The following FSTL1 variants were observed in gnomAD, a reference collection of about 807,000 sequenced individuals.
The protein encoded by FSTL1 is follistatin-related protein 1.
FSTL1 carries 24 observed loss-of-function variants against 45.9 expected under a neutral mutation model. The ratio of observed to expected loss-of-function variants is 0.52; its 90% CI spans 0.38 to 0.74. The LOEUF is 0.74. Ranked by LOEUF, FSTL1 falls within the 30% of genes least tolerant of loss-of-function variation. FSTL1 has a pLI of 0.00. For missense variants in FSTL1, 340 were observed against 381.8 expected (o/e 0.89, Z 0.91); for synonymous variants, 120 against 137.6 (o/e 0.87, Z 0.89).
intron 10 of FSTL1, among the ~76,000 whole-genome samples, chr3:120,398,602 A>G (rs969365909): frequency 9.9e-5 from 15 of 152,242 alleles, no homozygotes; most frequent in Non-Finnish European, 2.1e-4. Flanking sequence ...CAGTGGTAAC[A>G]TGCCTGAATA....
At chr3:120,411,591 C>T (rs1451941593) in intron 4 of FSTL1, among the ~76,000 whole-genome samples, 1 of 152,254 alleles carries the variant, frequency 6.6e-6, no homozygotes, top group African/African-American at 2.4e-5. Context: ...TCCACCCTAT[C>T]TACTATCCAG....
At chr3:120,446,869 TTC>T (rs1379935645) in intron 2 of FSTL1, among the ~76,000 whole-genome samples, 2 of 152,222 alleles carry the variant, frequency 1.3e-5, no homozygotes, top group African/African-American at 4.8e-5. Flanking sequence ...ATTGCTATTG[TTC>T]TCTCTTAGGT....
intron 2 of FSTL1, among the ~76,000 whole-genome samples, chr3:120,448,027 C>A (rs1355858309): frequency 6.6e-6 from 1 of 152,198 alleles, no homozygotes; most frequent in Admixed American, 6.5e-5. Flanking sequence ...ATACTGATGA[C>A]AATCACCTTT....
chr3:120,419,003 C>T (rs1490832831), intron 2 of FSTL1: 2 of 152,196 alleles, frequency 1.3e-5, no homozygotes, highest in African/African-American at 4.8e-5. Flanking sequence ...AAACAAAAGG[C>T]CCGTTTGAAG....
intron 2 of FSTL1, among the ~76,000 whole-genome samples, chr3:120,425,190 ATG>A: frequency 6.6e-6 from 1 of 152,226 alleles, no homozygotes; most frequent in African/African-American, 2.4e-5. Flanking sequence ...TCACCTCCTC[ATG>A]CAGTCAACAG....
intron 2 of FSTL1, among the ~76,000 whole-genome samples, chr3:120,440,208 T>C (rs540699681): frequency 6.6e-6 from 1 of 152,358 alleles, no homozygotes; most frequent in African/African-American, 2.4e-5. Context: ...AAAAACTGCA[T>C]TCCAATGTGA....
At chr3:120,432,718 T>G (rs912897641) in intron 2 of FSTL1, among the ~76,000 whole-genome samples, 2 of 152,212 alleles carry the variant, frequency 1.3e-5, no homozygotes, top group African/African-American at 4.8e-5. Context: ...CATATTTAAC[T>G]GTTTGGGGTC....
rs1937381119 is a variant in FSTL1 at position 120,426,427 on chromosome 3, CCT to C, written c.64-10402_64-10401del. ...CCAAGTGGAATGTAGGATTTATTCC[CCT>C]GATATGGTGGAAGGCAGATGAGATG... On this transcript the variant is annotated intron_variant, in intron 2 of 10. Transcript: ENST00000295633. 2.6e-5 allele frequency among the ~76,000 whole-genome samples: 4 copies of C among 152,092 alleles called. No individual in the cohort carries two copies. The South Asian group carries it at 8.3e-4, about 32-fold the overall frequency.
At chr3:120,434,505 C>A (rs1559743165) in intron 2 of FSTL1, among the ~76,000 whole-genome samples, 1 of 152,176 alleles carries the variant, frequency 6.6e-6, no homozygotes, top group Non-Finnish European at 1.5e-5. Flanking sequence ...GAAGTCTGTC[C>A]ATGGAACACT....
intron 9 of FSTL1, among the ~76,000 whole-genome samples, chr3:120,402,513 A>T (rs959537235): frequency 1.3e-5 from 2 of 151,692 alleles, no homozygotes; most frequent in African/African-American, 4.8e-5. Flanking sequence ...TACTACTTTC[A>T]CTGTTACTAT....
chr3:120,421,031 G>A (rs1338357721), intron 2 of FSTL1: 1 of 152,194 alleles, frequency 6.6e-6, no homozygotes, highest in African/African-American at 2.4e-5. Context: ...AGAGGTGATC[G>A]TGCATCTGAG....
At position 120,446,089 on chromosome 3, in the gene FSTL1, G is replaced by A. The variant is rs953967307; in HGVS notation, c.63+4595C>T. On this transcript the variant is annotated intron_variant, in intron 2 of 10. Transcript: ENST00000295633. Reference sequence around the variant, plus strand: ...GTATCATTAAGCTAATAAAATTTATGTCTGTTAGAAACATTCTGCCAGATG... The same window carrying A: ...GTATCATTAAGCTAATAAAATTTATATCTGTTAGAAACATTCTGCCAGATG... Among the ~76,000 whole-genome samples the A allele has an allele frequency of 9.4e-5, 13 of 138,466 alleles. 2 individuals are homozygous for A. The highest frequency in any genetic ancestry group is 4.5e-4 in the African/African-American group (13 of 28,590). The allele number at this position is 138,466 out of a possible 152,430, so 90.8% of individuals were successfully genotyped here.
chr3:120,421,883 A>C (rs528045408), intron 2 of FSTL1, among the ~76,000 whole-genome samples: 1 of 152,340 alleles, frequency 6.6e-6, no homozygotes, highest in South Asian at 2.1e-4. Flanking sequence ...GAGGGCTAAA[A>C]AAATATACAA....
intron 3 of FSTL1, 122 bp from the exon 4 acceptor site, chr3:120,412,105 A>T: frequency 1.0e-6 from 1 of 964,788 alleles, no homozygotes; most frequent in Non-Finnish European, 1.6e-6. Flanking sequence ...CCACCACCAG[A>T]GATGGTGCTT....
At chr3:120,431,732 G>A (rs1396664849) in intron 2 of FSTL1, among the ~76,000 whole-genome samples, 1 of 152,204 alleles carries the variant, frequency 6.6e-6, no homozygotes, top group East Asian at 1.9e-4. Context: ...CGGAGGAGGA[G>A]GGTTTGAGGA....
At chr3:120,420,477 C>A (rs1261429892) in intron 2 of FSTL1, among the ~76,000 whole-genome samples, 1 of 152,210 alleles carries the variant, frequency 6.6e-6, no homozygotes, top group East Asian at 1.9e-4. Flanking sequence ...CCTTCTGCAT[C>A]ATCTTCCTGA....
At chr3:120,446,397 G>A (rs889607728) in intron 2 of FSTL1, among the ~76,000 whole-genome samples, 1 of 152,188 alleles carries the variant, frequency 6.6e-6, no homozygotes, top group East Asian at 1.9e-4. Context: ...CCAATCCAGA[G>A]ACTTCTAGGG....
At chr3:120,416,634 T>C (rs1559738586) in intron 2 of FSTL1, among the ~76,000 whole-genome samples, 2 of 152,222 alleles carry the variant, frequency 1.3e-5, no homozygotes, top group Non-Finnish European at 2.9e-5. Context: ...TGAATGGTGT[T>C]CTAGGCATTA....
At chr3:120,428,112 T>C (rs985904006) in intron 2 of FSTL1, among the ~76,000 whole-genome samples, 3 of 152,074 alleles carry the variant, frequency 2.0e-5, no homozygotes, top group African/African-American at 7.2e-5. Flanking sequence ...GAAAAAAGCT[T>C]CTTGCCTTGC....
Sources: allele counts gnomAD v4.1 joint callset (sites outside exome capture counted in the v4.1 genomes callset), GRCh38; gene constraint gnomAD v4.1.1; transcripts MANE v1.5; gene names NCBI Gene and HGNC (gene_info 2026-07-23, HGNC 2026-07-21).